The following GNAO1 variants were observed in gnomAD, a reference collection of about 807,000 sequenced individuals.
GNAO1 encodes the protein G protein subunit alpha o1.
For missense variants in GNAO1, 166 were observed against 478.7 expected (o/e 0.35, Z 6.10); for synonymous variants, 164 against 180.7 (o/e 0.91, Z 0.74).
At chr16:56,258,328 A>G (rs2036871607) in intron 2 of GNAO1, among the ~76,000 whole-genome samples, 1 of 152,218 alleles carries the variant, frequency 6.6e-6, no homozygotes, top group Non-Finnish European at 1.5e-5. Context: ...TTATTTGTAA[A>G]ATGAGGATAA....
intron 2 of GNAO1, among the ~76,000 whole-genome samples, chr16:56,263,459 T>C (rs942431261): frequency 2.0e-5 from 3 of 152,132 alleles, no homozygotes; most frequent in Non-Finnish European, 2.9e-5. Flanking sequence ...AATAAAAATA[T>C]ACATACCAGG....
At chr16:56,338,925 A>C (rs1596874241) in intron 6 of GNAO1, among the ~76,000 whole-genome samples, 1 of 151,554 alleles carries the variant, frequency 6.6e-6, no homozygotes, top group African/African-American at 2.4e-5. Flanking sequence ...CATTTCCCCC[A>C]CCCTTCCACA....
chr16:56,223,244 T>G (rs566157148), intron 2 of GNAO1, among the ~76,000 whole-genome samples: 1 of 152,298 alleles, frequency 6.6e-6, no homozygotes, highest in East Asian at 1.9e-4. Flanking sequence ...GAGCCCCCTT[T>G]TCATCCTGGC....
intron 2 of GNAO1, among the ~76,000 whole-genome samples, chr16:56,250,391 G>A (rs1365449110): frequency 3.3e-5 from 5 of 152,210 alleles, no homozygotes; most frequent in Non-Finnish European, 5.9e-5. Context: ...TAAAGCCACT[G>A]TTAATATTCC....
At chr16:56,258,776 G>A (rs1321991541) in intron 2 of GNAO1, among the ~76,000 whole-genome samples, 2 of 152,238 alleles carry the variant, frequency 1.3e-5, no homozygotes, top group Admixed American at 1.3e-4. Flanking sequence ...GCAGGGGAGA[G>A]TTTCCTGCAG....
intron 5 of GNAO1, among the ~76,000 whole-genome samples, chr16:56,335,896 C>G (rs536275434): frequency 3.9e-5 from 6 of 152,194 alleles, no homozygotes; most frequent in Non-Finnish European, 8.8e-5. Flanking sequence ...AGAACCAGAC[C>G]CATTCCTTGC....
intron 3 of GNAO1, among the ~76,000 whole-genome samples, chr16:56,318,595 T>C (rs1209560041): frequency 1.3e-5 from 2 of 152,210 alleles, no homozygotes; most frequent in Non-Finnish European, 2.9e-5. Context: ...TGTGTGTGCG[T>C]GCGCGTGCAT....
intron 2 of GNAO1, chr16:56,226,438 G>T (rs1475957321): frequency 3.9e-5 from 6 of 152,156 alleles, no homozygotes; most frequent in Non-Finnish European, 5.9e-5. Context: ...TGCAACGTTA[G>T]CTCTTGTGAG....
chr16:56,242,628 T>A (rs1405605408), intron 2 of GNAO1, among the ~76,000 whole-genome samples: 2 of 152,214 alleles, frequency 1.3e-5, no homozygotes, highest in African/African-American at 4.8e-5. Context: ...GGGAAAAGAA[T>A]AAATTTGGAT....
At chr16:56,285,448 G>A (rs1034643948) in intron 3 of GNAO1, among the ~76,000 whole-genome samples, 4 of 151,826 alleles carry the variant, frequency 2.6e-5, no homozygotes, top group African/African-American at 4.8e-5. Flanking sequence ...GGAACTGACC[G>A]CCTCCCCTCT....
intron 3 of GNAO1, among the ~76,000 whole-genome samples, chr16:56,284,330 C>T (rs2037143755): frequency 6.6e-6 from 1 of 152,116 alleles, no homozygotes; most frequent in South Asian, 2.1e-4. Context: ...GCTCCCTGAT[C>T]CAAGGCTGGA....
intron 2 of GNAO1, among the ~76,000 whole-genome samples, chr16:56,256,678 TTCTCTC>T (rs1253150713): frequency 7.2e-6 from 1 of 139,284 alleles, no homozygotes; most frequent in African/African-American, 2.8e-5. Flanking sequence ...GTCAGTCTCT[TTCTCTC>T]TGTCTCTCTC....
At chr16:56,232,361 C>T (rs2036597058) in intron 2 of GNAO1, among the ~76,000 whole-genome samples, 1 of 152,112 alleles carries the variant, frequency 6.6e-6, no homozygotes, top group Admixed American at 6.5e-5. Context: ...CAGGCATTTC[C>T]CAGGTTCATA....
intron 3 of GNAO1, among the ~76,000 whole-genome samples, chr16:56,315,169 C>T (rs1181762085): frequency 3.3e-5 from 5 of 152,334 alleles, no homozygotes; most frequent in Non-Finnish European, 5.9e-5. Flanking sequence ...TTATGTGTAG[C>T]GCTGCATCTT....
chr16:56,243,257 A>G (rs1468836977), intron 2 of GNAO1, among the ~76,000 whole-genome samples: 2 of 152,170 alleles, frequency 1.3e-5, no homozygotes, highest in African/African-American at 2.4e-5. Context: ...TACTTGAGTC[A>G]TCCTGAAACC....
intron 2 of GNAO1, among the ~76,000 whole-genome samples, chr16:56,260,092 C>T (rs1332312622): frequency 2.6e-5 from 4 of 152,192 alleles, no homozygotes; most frequent in Non-Finnish European, 5.9e-5. Flanking sequence ...GCTTTGACTA[C>T]AGCTGATGTC....
intron 2 of GNAO1, among the ~76,000 whole-genome samples, chr16:56,198,290 C>G (rs1311613574): frequency 6.6e-6 from 1 of 152,234 alleles, no homozygotes; most frequent in Non-Finnish European, 1.5e-5. Context: ...TTCTTCAAAT[C>G]TGTGTCACAT....
At chr16:56,219,077 G>A (rs531396120) in intron 2 of GNAO1, among the ~76,000 whole-genome samples, 1 of 152,242 alleles carries the variant, frequency 6.6e-6, no homozygotes, top group Non-Finnish European at 1.5e-5. Flanking sequence ...TTGGCCCATT[G>A]TGGAAAGAAG....
chr16:56,276,153 T>C, intron 3 of GNAO1, 81 bp downstream of exon 3: 1 of 1,248,262 alleles, frequency 8.0e-7, no homozygotes, highest in Non-Finnish European at 1.1e-6. Context: ...AGTGCTGGGC[T>C]GCCTTAAATG....
Sources: gnomAD v4.1 joint callset for allele counts (sites outside exome capture counted in the v4.1 genomes callset) on GRCh38, gnomAD v4.1.1 for gene constraint, MANE v1.5 for transcripts, NCBI Gene and HGNC (gene_info 2026-07-23, HGNC 2026-07-21) for gene names.